SPAG16: variants seen among roughly 807,000 people sequenced by gnomAD.
SPAG16 encodes sperm-associated antigen 16 protein.
Under a neutral mutation model 80.4 loss-of-function variants are expected in SPAG16, and 86 were observed. The observed-to-expected ratio is 1.07, with a 90% CI of 0.90 to 1.28. The LOEUF (loss-of-function observed/expected upper bound fraction) is 1.28. Among genes scored for constraint, SPAG16 ranks in the 50% most tolerant of loss-of-function variants. The pLI is 0.00. For synonymous variants in SPAG16, 294 were observed against 265.9 expected, an observed-to-expected ratio of 1.11 and a Z score of -1.03; for missense variants, 870 against 765.3, an observed-to-expected ratio of 1.14 and a Z score of -1.61.
chr2:214,065,624 T>C (rs1188827545), intron 13 of SPAG16, among the ~76,000 whole-genome samples: 1 of 152,160 alleles, frequency 6.6e-6, no homozygotes, highest in Non-Finnish European at 1.5e-5. Context: ...GGCTATTCCA[T>C]AGTATGCCTA....
chr2:214,185,501 A>G (rs1576446179), intron 15 of SPAG16, among the ~76,000 whole-genome samples: 1 of 152,290 alleles, frequency 6.6e-6, no homozygotes, highest in East Asian at 1.9e-4. Context: ...ATAAAAAAAA[A>G]AGTCTACAGA....
intron 15 of SPAG16, among the ~76,000 whole-genome samples, chr2:214,206,700 G>A (rs1480844586): frequency 6.6e-6 from 1 of 152,142 alleles, no homozygotes. Flanking sequence ...CCTCCATACT[G>A]TCTTCCATAA....
intron 10 of SPAG16, among the ~76,000 whole-genome samples, chr2:213,720,893 C>T (rs991280005): frequency 6.6e-6 from 1 of 150,584 alleles, no homozygotes; most frequent in Non-Finnish European, 1.5e-5. Flanking sequence ...CTACAGTTGC[C>T]TGCCACCACG....
intron 11 of SPAG16, among the ~76,000 whole-genome samples, chr2:213,909,038 C>G (rs1575522110): frequency 6.7e-6 from 1 of 148,554 alleles, no homozygotes; most frequent in Non-Finnish European, 1.5e-5. Flanking sequence ...GTTTTTTTAT[C>G]CAAAATCAAT....
At chr2:213,414,961 A>G (rs2069170267) in intron 9 of SPAG16, among the ~76,000 whole-genome samples, 1 of 152,198 alleles carries the variant, frequency 6.6e-6, no homozygotes, top group South Asian at 2.1e-4. Context: ...CAAAATGGAA[A>G]CCCATGATAA....
chr2:213,708,083 C>A (rs2065834965), intron 10 of SPAG16, among the ~76,000 whole-genome samples: 3 of 152,070 alleles, frequency 2.0e-5, no homozygotes, highest in South Asian at 4.1e-4. Context: ...TTAAAATAGA[C>A]TGATCCAAAA....
At chr2:213,875,094 A>T (rs1329047468) in intron 11 of SPAG16, among the ~76,000 whole-genome samples, 2 of 138,106 alleles carry the variant, frequency 1.4e-5, no homozygotes, top group Non-Finnish European at 3.2e-5. Flanking sequence ...GGCACATACT[A>T]CCACATCAAA....
chr2:213,908,701 A>G (rs1214076797), intron 11 of SPAG16, among the ~76,000 whole-genome samples: 1 of 151,606 alleles, frequency 6.6e-6, no homozygotes, highest in Non-Finnish European at 1.5e-5. Flanking sequence ...AGGCAGGAAC[A>G]CTTGGATATA....
chr2:213,690,041 C>T (rs2064872044), intron 10 of SPAG16, among the ~76,000 whole-genome samples: 4 of 152,086 alleles, frequency 2.6e-5, no homozygotes, highest in Admixed American at 1.3e-4. Flanking sequence ...TGTCTGACCT[C>T]ATCTTTTATT....
At chr2:214,218,160 G>T (rs1335809926) in intron 15 of SPAG16, among the ~76,000 whole-genome samples, 1 of 152,014 alleles carries the variant, frequency 6.6e-6, no homozygotes, top group Non-Finnish European at 1.5e-5. Context: ...GAAAGACTTC[G>T]ATTCTTACAT....
At chr2:213,317,607 T>G in intron 5 of SPAG16, 1 of 1,116,304 alleles carries the variant, frequency 9.0e-7, no homozygotes. Context: ...TATATAACAT[T>G]CACTTCCTTG....
intron 15 of SPAG16, among the ~76,000 whole-genome samples, chr2:214,223,258 G>A (rs2058624972): frequency 6.6e-6 from 1 of 152,066 alleles, no homozygotes; most frequent in Admixed American, 6.6e-5. Context: ...TTAGCAAAAA[G>A]CTGATGTTGA....
chr2:213,757,164 G>T (rs1048859089), intron 10 of SPAG16, among the ~76,000 whole-genome samples: 1 of 152,044 alleles, frequency 6.6e-6, no homozygotes, highest in Non-Finnish European at 1.5e-5. Flanking sequence ...AACTTAACAG[G>T]AGACTAAAGA....
chr2:214,162,388 G>T (rs1307477103), intron 15 of SPAG16, among the ~76,000 whole-genome samples: 1 of 152,126 alleles, frequency 6.6e-6, no homozygotes, highest in Non-Finnish European at 1.5e-5. Flanking sequence ...AAACCACTGA[G>T]ATGGGGACAT....
At chr2:213,328,509 C>T (rs1225198085) in intron 5 of SPAG16, among the ~76,000 whole-genome samples, 9 of 152,174 alleles carry the variant, frequency 5.9e-5, no homozygotes, top group Non-Finnish European at 1.3e-4. Context: ...TTTCCATTCA[C>T]TTTACTTAAA....
rs540091403 is a variant in SPAG16, at chr2:214,334,660, C to G, written c.1721-75480C>G. Among the ~76,000 whole-genome samples the G allele has an allele frequency of 2.6e-5, 4 of 152,298 alleles. No individual in the cohort carries two copies. In the South Asian group the frequency reaches 8.3e-4, roughly 32 times the overall value. ...ATGTATCCCTGGAATCCAGCAATAG[C>G]CATGAGGTTTCAGAGTCCTTCTAAT... On this transcript the variant is annotated intron_variant, in intron 15 of 15. Coordinates refer to ENST00000331683, the MANE Select transcript of SPAG16 (RefSeq NM_024532.5).
At chr2:214,319,393 T>C (rs775068577) in intron 15 of SPAG16, among the ~76,000 whole-genome samples, 9 of 151,624 alleles carry the variant, frequency 5.9e-5, no homozygotes, top group Non-Finnish European at 1.0e-4. Flanking sequence ...ATTAATGTGG[T>C]TGGGCTGTGT....
At chr2:213,295,319 T>C (rs1359644842) in intron 1 of SPAG16, among the ~76,000 whole-genome samples, 1 of 152,128 alleles carries the variant, frequency 6.6e-6, no homozygotes, top group African/African-American at 2.4e-5. Context: ...AGTTTTCATA[T>C]GTAATTAGAG....
intron 9 of SPAG16, among the ~76,000 whole-genome samples, chr2:213,415,177 T>C (rs1043797522): frequency 6.6e-6 from 1 of 152,000 alleles, no homozygotes; most frequent in Non-Finnish European, 1.5e-5. Context: ...AGGAGGAAGC[T>C]AGGTAAGAGA....
Sources: gnomAD v4.1 joint callset for allele counts (sites outside exome capture counted in the v4.1 genomes callset) on GRCh38, gnomAD v4.1.1 for gene constraint, MANE v1.5 for transcripts, NCBI Gene and HGNC (gene_info 2026-07-23, HGNC 2026-07-21) for gene names.